Variants in ENTPD5 observed in about 807,000 individuals in gnomAD.
The protein encoded by ENTPD5 is nucleoside diphosphate phosphatase ENTPD5.
ENTPD5 carries 49 observed loss-of-function variants against 60.2 expected under a neutral mutation model. That is an observed-to-expected ratio of 0.81 (90% CI 0.65 to 1.03). The LOEUF (loss-of-function observed/expected upper bound fraction) is 1.03, where lower values mean the gene tolerates loss of function less well. Among genes scored for constraint, ENTPD5 ranks in the 50% least tolerant of loss-of-function variants. The pLI, the probability that ENTPD5 is intolerant of heterozygous loss-of-function variation, is 0.00. For synonymous variants in ENTPD5, 187 were observed against 185.4 expected (o/e 1.01, Z -0.07); for missense variants, 480 against 507.6 (o/e 0.95, Z 0.52).
At chr14:74,005,535 C>T (rs895128221) in intron 3 of ENTPD5, among the ~76,000 whole-genome samples, 3 of 151,148 alleles carry the variant, frequency 2.0e-5, no homozygotes, top group African/African-American at 4.9e-5. Context: ...TGGCCAGGTG[C>T]GGTGGCTCAC....
chr14:74,005,351 C>G lies in ENTPD5; in HGVS notation c.-71+5740G>C, dbSNP rs532378169. 1.3e-4 allele frequency among the ~76,000 whole-genome samples: 6 copies of G among 46,856 alleles called. No homozygotes were observed. The South Asian group carries it at 7.3e-3, about 57-fold the overall frequency. The allele number at this position is 46,856 out of a possible 152,430, so 30.7% of individuals were successfully genotyped here. A position where few individuals can be genotyped will look rare whatever the true frequency, so the allele number is the denominator to read the frequency against. On this transcript the variant is annotated intron_variant, in intron 3 of 15. Transcript: ENST00000334696. ...GCTCATGCCTGCCTGGGTGAGAGAG[C>G]AAGACTCGGTCTCAAAAAAAAAGAA... is the stretch of plus-strand genomic sequence containing the variant.
chr14:74,005,133 G>C (rs1202770663), intron 3 of ENTPD5, among the ~76,000 whole-genome samples: 1 of 151,644 alleles, frequency 6.6e-6, no homozygotes, highest in Non-Finnish European at 1.5e-5. Context: ...GGGCATGATG[G>C]GACATGCCTG....
intron 5 of ENTPD5, among the ~76,000 whole-genome samples, chr14:73,985,334 T>C (rs1417072761): frequency 1.3e-5 from 2 of 152,188 alleles, no homozygotes; most frequent in African/African-American, 4.8e-5. Context: ...TCCACAATGG[T>C]TGAACTAGTT....
chr14:73,964,908 A>G lies in ENTPD5; in HGVS notation c.*2020T>C, dbSNP rs930787384. 2.0e-5 allele frequency: 3 copies of G among 152,222 alleles called. No individual in the cohort carries two copies. The highest frequency in any genetic ancestry group is 7.2e-5 in the African/African-American group (3 of 41,466). The allele number at this position is 152,222 out of a possible 1,614,324, so 9.4% of individuals were successfully genotyped here. ...TCCAAATGGAATAAGCTGTTTGAAC[A>G]TGGCTTAGCAGAAGCTGAATGACAA... On this transcript the variant is annotated 3_prime_UTR_variant, in exon 16 of 16. Coordinates refer to ENST00000334696, the MANE Select transcript of ENTPD5 (RefSeq NM_001249.5).
chr14:73,955,366 A>G (rs145772659), downstream of ENTPD5: 256 of 976,572 alleles, frequency 2.6e-4, no homozygotes, highest in African/African-American at 3.9e-3. Context: ...ACTGAAAACA[A>G]CCTCTTACGT....
chr14:73,969,266 C>T (rs1365435881), intron 15 of ENTPD5, among the ~76,000 whole-genome samples: 1 of 152,210 alleles, frequency 6.6e-6, no homozygotes, highest in Non-Finnish European at 1.5e-5. Flanking sequence ...ACAGGCAGGA[C>T]ATATAAACCT....
At chr14:73,998,705 TCTGAGGAG>T (rs1010421718) in intron 3 of ENTPD5, among the ~76,000 whole-genome samples, 4 of 152,030 alleles carry the variant, frequency 2.6e-5, no homozygotes, top group Non-Finnish European at 5.9e-5. Flanking sequence ...AAAGGTCGTA[TCTGAGGAG>T]GGTCCTGAGG....
intron 6 of ENTPD5, among the ~76,000 whole-genome samples, chr14:73,980,377 G>A (rs2057633391): frequency 6.6e-6 from 1 of 150,646 alleles, no homozygotes; most frequent in South Asian, 2.1e-4. Context: ...CAATTCTCCT[G>A]CCTTAGCCTC....
At chr14:73,999,114 T>C (rs1193255122) in intron 3 of ENTPD5, among the ~76,000 whole-genome samples, 1 of 149,722 alleles carries the variant, frequency 6.7e-6, no homozygotes, top group Non-Finnish European at 1.5e-5. Flanking sequence ...GGAAAACAGA[T>C]CTTTTTATTC....
At chr14:73,971,952 G>T (rs758435056) in intron 13 of ENTPD5, 44 bp from the exon 14 acceptor site, 77 of 1,145,348 alleles carry the variant, frequency 6.7e-5, no homozygotes, top group Non-Finnish European at 1.0e-4. Context: ...ACGCCTTCAA[G>T]GAAGCATAAG....
At chr14:74,008,381 TTTTTC>T (rs973944371) in intron 3 of ENTPD5, among the ~76,000 whole-genome samples, 24 of 151,276 alleles carry the variant, frequency 1.6e-4, no homozygotes, top group Non-Finnish European at 1.5e-5. Flanking sequence ...TATTATTTAT[TTTTTC>T]TTTTTTCTTT....
At chr14:74,018,863 G>GCA (rs1336216464) in intron 1 of ENTPD5, 6 of 152,510 alleles carry the variant, frequency 3.9e-5, no homozygotes, top group African/African-American at 1.4e-4. Flanking sequence ...TCCGCTGGCT[G>GCA]CACTATCCCT....
intron 3 of ENTPD5, among the ~76,000 whole-genome samples, chr14:74,006,234 C>A (rs1344866215): frequency 6.6e-6 from 1 of 151,124 alleles, no homozygotes; most frequent in Non-Finnish European, 1.5e-5. Context: ...ATCCACCTAC[C>A]TTGGACTCCC....
At chr14:73,959,328 G>C (rs762648115), downstream of ENTPD5, 4 of 1,613,960 alleles carry the variant, frequency 2.5e-6, no homozygotes, top group African/African-American at 1.3e-5. Flanking sequence ...CAGGCTGTTT[G>C]TAAGTTCCCT....
rs1566709485 is a variant in ENTPD5, at chr14:73,970,112, C to G, written c.1098G>C (p.Leu366Phe). 1 of 1,610,782 alleles carries G rather than the reference C, an allele frequency of 6.2e-7. No individual in the cohort carries two copies. The highest frequency in any genetic ancestry group is 1.3e-5 in the African/African-American group (1 of 74,950). ...AAGGACTGCCTGAGGTGAAGTTTTC[C>G]AAGTTATCACACACTGAAAGAGAGA... Reference protein sequence around the residue: ...ERKAREVCDNLENFTSGSPFL... With the variant: ...ERKAREVCDNFENFTSGSPFL... Residue 366 changes from leucine (L) to phenylalanine (F), a missense_variant, in exon 15 of 16, where the codon TTG becomes TTC. By Grantham distance (22) the Leu-to-Phe change is conservative. Coordinates refer to ENST00000334696, the MANE Select transcript of ENTPD5 (RefSeq NM_001249.5).
intron 3 of ENTPD5, among the ~76,000 whole-genome samples, chr14:73,991,635 G>A (rs1039001420): frequency 4.9e-5 from 6 of 123,400 alleles, no homozygotes; most frequent in African/African-American, 1.4e-4. Flanking sequence ...AACAATTAGG[G>A]CTTGATGTGG....
Position 73,988,296 on chromosome 14 carries a change from T to G in ENTPD5, c.-70-124A>C, listed in dbSNP as rs2057988752. On this transcript the variant is annotated intron_variant, in intron 3 of 15. Transcript: ENST00000334696. The stretch of plus-strand genomic sequence containing the variant: ...TATTCTAATAACCTGTACAACAAGC[T>G]AAACCAGGGTGATGTGGGCTCTTAG... 1.8e-5 allele frequency: 16 copies of G among 875,338 alleles called. No homozygotes were observed. The South Asian group carries it at 3.7e-4, about 20-fold the overall frequency. 54.2% of individuals were successfully genotyped at this position (875,338 alleles called of 1,614,324 possible).
chr14:73,969,572 C>T (rs1225178448), intron 15 of ENTPD5, among the ~76,000 whole-genome samples: 1 of 152,022 alleles, frequency 6.6e-6, no homozygotes, highest in Non-Finnish European at 1.5e-5. Flanking sequence ...GGAGTGGTGG[C>T]GCATGCCTGT....
At chr14:73,988,800 C>T (rs924495889) in intron 3 of ENTPD5, among the ~76,000 whole-genome samples, 28 of 152,056 alleles carry the variant, frequency 1.8e-4, no homozygotes, top group Non-Finnish European at 3.8e-4. Context: ...GCGTGTTTCA[C>T]TTAACATAAT....
Sources: gnomAD v4.1 joint callset for allele counts (sites outside exome capture counted in the v4.1 genomes callset) on GRCh38, gnomAD v4.1.1 for gene constraint, MANE v1.5 for transcripts, NCBI Gene and HGNC (gene_info 2026-07-23, HGNC 2026-07-21) for gene names.